Variants in CFAP54 observed in about 807,000 individuals in gnomAD.
CFAP54 encodes cilia and flagella associated protein 54, also known as cilia- and flagella-associated protein 54.
CFAP54 carries 290 observed loss-of-function variants against 370.4 expected under a neutral mutation model. That is an observed-to-expected ratio of 0.78 (90% CI 0.71 to 0.86). CFAP54 has a LOEUF of 0.86. CFAP54 is among the 40% of genes least tolerant of loss of function. The pLI, the probability that CFAP54 is intolerant of heterozygous loss-of-function variation, is 0.00. For synonymous variants in CFAP54, 1,206 were observed against 1,236.5 expected (o/e 0.98, Z 0.52); for missense variants, 3,399 against 3,528.7 (o/e 0.96, Z 0.93).
intron 13 of CFAP54, 28 bp downstream of exon 13, chr12:96,538,546 GT>G (rs773044550): frequency 8.5e-6 from 13 of 1,525,066 alleles, no homozygotes; most frequent in South Asian, 1.2e-5. Flanking sequence ...CCTTTCACGT[GT>G]TTTTTTTGCT....
At chr12:96,874,635 T>TA (rs1346055747) in intron 67 of CFAP54, among the ~76,000 whole-genome samples, 1 of 77,558 alleles carries the variant, frequency 1.3e-5, no homozygotes, top group Non-Finnish European at 2.4e-5. Context: ...TTATTTTATT[T>TA]TTTTTTTTTT....
In CFAP54 at chr12:96,792,328, G is replaced by A; in HGVS notation, c.8680-1G>A. 1 of 1,502,950 alleles carries A rather than the reference G, an allele frequency of 6.7e-7. No individual in the cohort carries two copies. Among genetic ancestry groups the A allele is most frequent in the Non-Finnish European group, 8.8e-7 (1 of 1,131,004 alleles). The allele number at this position is 1,502,950 out of a possible 1,614,324, so 93.1% of individuals were successfully genotyped here. A position where few individuals can be genotyped will look rare whatever the true frequency, so the allele number is the denominator to read the frequency against. On this transcript the variant is annotated splice_acceptor_variant, in intron 62 of 67. Coordinates refer to ENST00000524981, the MANE Select transcript of CFAP54 (RefSeq NM_001306084.2). LOFTEE classifies it high-confidence loss of function. ...AACTGATGTTTTTGTTTGTTCCCTA[G>A]TTGTATCGCGATAGTTCTGTACAAT...
At chr12:96,714,906 G>A (rs1957657770) in intron 48 of CFAP54, among the ~76,000 whole-genome samples, 1 of 152,138 alleles carries the variant, frequency 6.6e-6, no homozygotes, top group Admixed American at 6.5e-5. Context: ...CCCTTAAGTA[G>A]GCAAGATGGG....
At chr12:96,554,526 G>A (rs1955731403) in intron 16 of CFAP54, 150 bp from the exon 17 acceptor site, 1 of 1,025,146 alleles carries the variant, frequency 9.8e-7, no homozygotes. Flanking sequence ...ATATTTATTA[G>A]TGTTTAAGCA....
intron 50 of CFAP54, among the ~76,000 whole-genome samples, chr12:96,739,044 C>T (rs190269238): frequency 6.6e-6 from 1 of 152,180 alleles, no homozygotes; most frequent in Non-Finnish European, 1.5e-5. Context: ...GGGGTTAAGA[C>T]CTCAACATAC....
intron 65 of CFAP54, among the ~76,000 whole-genome samples, chr12:96,827,145 T>C (rs866572295): frequency 6.6e-5 from 5 of 76,248 alleles, no homozygotes; most frequent in African/African-American, 2.2e-4. Context: ...TGATTATATA[T>C]AATGTGCAAT....
At chr12:96,640,023 C>G (rs1355349106) in intron 32 of CFAP54, among the ~76,000 whole-genome samples, 2 of 152,142 alleles carry the variant, frequency 1.3e-5, no homozygotes, top group Non-Finnish European at 2.9e-5. Flanking sequence ...TGGCACAAGA[C>G]AAGGATGCCC....
intron 65 of CFAP54, among the ~76,000 whole-genome samples, chr12:96,823,953 T>A (rs1565991736): frequency 6.6e-6 from 1 of 152,068 alleles, no homozygotes; most frequent in African/African-American, 2.4e-5. Context: ...AGGAAGTTTT[T>A]TCTCCCCCCA....
intron 65 of CFAP54, among the ~76,000 whole-genome samples, chr12:96,821,211 G>A (rs1383109116): frequency 6.6e-6 from 1 of 152,156 alleles, no homozygotes; most frequent in African/African-American, 2.4e-5. Flanking sequence ...GTGGGCAGAT[G>A]TAGGTATCAA....
chr12:96,809,387 T>C (rs1958910060), intron 63 of CFAP54, among the ~76,000 whole-genome samples: 1 of 152,186 alleles, frequency 6.6e-6, no homozygotes, highest in South Asian at 2.1e-4. Context: ...GGTTTCACTT[T>C]TGGGGAGATG....
At chr12:96,756,834 G>A (rs1019232667) in intron 57 of CFAP54, among the ~76,000 whole-genome samples, 1 of 152,160 alleles carries the variant, frequency 6.6e-6, no homozygotes, top group African/African-American at 2.4e-5. Flanking sequence ...CAGGATGACT[G>A]GCTTCTAAAC....
At chr12:96,769,032 C>T (rs145077283) in intron 60 of CFAP54, among the ~76,000 whole-genome samples, 223 of 152,266 alleles carry the variant, frequency 1.5e-3, no homozygotes, top group African/African-American at 5.1e-3. Flanking sequence ...AGTGATGCAC[C>T]TAGTACAATT....
rs532424545 is a variant in CFAP54, at chr12:96,597,485, G to T, written c.3517-1160G>T. On this transcript the variant is annotated intron_variant, in intron 25 of 67. Transcript: ENST00000524981. ...ATTTACTGTGACATTCTTGGTGTTG[G>T]CAAAAAAGCTGGTGACAAAGAGAAG... Among the ~76,000 whole-genome samples the T allele has an allele frequency of 9.9e-5, 15 of 151,948 alleles. No individual in the cohort carries two copies. The East Asian group carries it at 2.7e-3, about 27-fold the overall frequency.
chr12:96,709,732 T>TTATTATTATTATTA (rs1489881430), intron 48 of CFAP54, among the ~76,000 whole-genome samples: 1 of 150,538 alleles, frequency 6.6e-6, no homozygotes, highest in East Asian at 1.9e-4. Flanking sequence ...ATTATTATTA[T>TTATTATTATTATTA]TGTTTTCGAG....
intron 6 of CFAP54, among the ~76,000 whole-genome samples, chr12:96,521,498 G>A (rs1208539264): frequency 7.0e-6 from 1 of 142,594 alleles, no homozygotes. Context: ...AAGAGCAACT[G>A]AGGACGTGTG....
chr12:96,807,335 T>A (rs1958892055), intron 63 of CFAP54, among the ~76,000 whole-genome samples: 1 of 152,204 alleles, frequency 6.6e-6, no homozygotes, highest in African/African-American at 2.4e-5. Context: ...TGCTTACTAA[T>A]TAATAAAACA....
At chr12:96,748,773 C>G (rs1421405) in intron 55 of CFAP54, among the ~76,000 whole-genome samples, 57,401 of 152,006 alleles carry the variant, frequency 0.38, 11,994 homozygotes, top group East Asian at 0.68. Flanking sequence ...AAACTTACAG[C>G]ATTTTCTCTT....
intron 50 of CFAP54, among the ~76,000 whole-genome samples, chr12:96,727,552 T>C (rs1169666881): frequency 6.7e-6 from 1 of 149,330 alleles, no homozygotes; most frequent in Non-Finnish European, 1.5e-5. Context: ...CATCCTTTTA[T>C]TTTGAGCCTA....
chr12:96,552,246 C>CAAAAAAAAAAAA (rs374756712), intron 15 of CFAP54, among the ~76,000 whole-genome samples: 8 of 40,926 alleles, frequency 2.0e-4, no homozygotes, highest in Non-Finnish European at 3.4e-4. Context: ...AACTACATCT[C>CAAAAAAAAAAAA]AAAAAAAAAA....
Sources: gnomAD v4.1 joint callset for allele counts (sites outside exome capture counted in the v4.1 genomes callset) on GRCh38, gnomAD v4.1.1 for gene constraint, MANE v1.5 for transcripts, NCBI Gene and HGNC (gene_info 2026-07-23, HGNC 2026-07-21) for gene names.